The following UBN1 variants were observed in gnomAD, a reference collection of about 807,000 sequenced individuals.
UBN1 encodes the protein ubinuclein-1.
A neutral mutation model predicts 108.5 loss-of-function variants in UBN1; 17 were observed. The observed-to-expected ratio is 0.16, with a 90% confidence interval of 0.11 to 0.24. The LOEUF (loss-of-function observed/expected upper bound fraction) is 0.24, where lower values mean the gene tolerates loss of function less well. Ranked by LOEUF, UBN1 falls within the 10% of genes least tolerant of loss-of-function variation. The pLI is 1.00. For missense variants in UBN1, 1,595 were observed against 1,394.4 expected, an observed-to-expected ratio of 1.14 and a Z score of -2.29; for synonymous variants, 726 against 564.2, an observed-to-expected ratio of 1.29 and a Z score of -4.07.
At position 4,873,047 on chromosome 16, in the gene UBN1, A is replaced by G. The variant is rs2087720056; in HGVS notation, c.1774A>G (p.Met592Val). Reference sequence around the variant, plus strand: ...TTTGAACAGGGCCAAGAAGAAAGTTATGGCCCCTTCTAAAATCAAGGTGAA... The same window carrying G: ...TTTGAACAGGGCCAAGAAGAAAGTTGTGGCCCCTTCTAAAATCAAGGTGAA... ...LTSILAKKKV[M>V]APSKIKVKES... The change falls in exon 14 of 18, where the codon ATG becomes GTG. Residue 592 changes from methionine (M) to valine (V), a missense_variant. Met to Val is a conservative substitution (Grantham distance 21). Coordinates refer to ENST00000262376, the MANE Select transcript of UBN1 (RefSeq NM_001079514.3). 6.2e-7 allele frequency: 1 copy of G among 1,614,224 alleles called. No homozygotes were observed. Among genetic ancestry groups the G allele is most frequent in the Non-Finnish European group, 8.5e-7 (1 of 1,180,036 alleles).
At position 4,874,888 on chromosome 16, in the gene UBN1, G is replaced by T; in HGVS notation, c.2478G>T (p.Lys826Asn). ...NFTPPSPFAN[K>N]LQGPKASPTQ... ...CGCCCCCATCTCCATTTGCCAATAA[G>T]CTCCAAGGCCCAAAGGCTTCTCCCA... The change falls in exon 15 of 18, where the codon AAG (lysine) becomes AAT (asparagine). Residue 826 changes from lysine (K) to asparagine (N), a missense_variant. By Grantham distance (94) the Lys-to-Asn change is moderately conservative. Around this residue, in one of 3 missense-constraint regions of UBN1, gnomAD observed 1,398 missense variants for 1,194.7 expected, o/e 1.17. Coordinates refer to ENST00000262376, the MANE Select transcript of UBN1 (RefSeq NM_001079514.3). The T allele has an allele frequency of 6.2e-7, 1 of 1,614,078 alleles. No homozygotes were observed.
At chr16:4,851,231 G>C (rs753220062) in intron 1 of UBN1, among the ~76,000 whole-genome samples, 46 of 152,220 alleles carry the variant, frequency 3.0e-4, no homozygotes, top group African/African-American at 1.1e-3. Context: ...GCTGGGCTCA[G>C]TGGCTCACAC....
At chr16:4,871,776 TGG>T (rs929458613) in intron 12 of UBN1, among the ~76,000 whole-genome samples, 3 of 151,844 alleles carry the variant, frequency 2.0e-5, no homozygotes, top group Admixed American at 1.3e-4. Flanking sequence ...TTAGTAGAAA[TGG>T]GGTTTCACCG....
intron 7 of UBN1, among the ~76,000 whole-genome samples, chr16:4,866,114 T>C (rs1347863340): frequency 2.6e-5 from 4 of 152,362 alleles, no homozygotes; most frequent in East Asian, 1.9e-4. Flanking sequence ...AAACTAGCAG[T>C]GTAAGCTTAA....
chr16:4,857,200 T>A (rs1156322814), intron 2 of UBN1, among the ~76,000 whole-genome samples: 1 of 150,720 alleles, frequency 6.6e-6, no homozygotes, highest in Non-Finnish European at 1.5e-5. Context: ...AAAAAAAAAA[T>A]TTAGCTAGGC....
intron 1 of UBN1, chr16:4,852,231 A>C (rs1010049948): frequency 2.6e-5 from 4 of 152,216 alleles, no homozygotes; most frequent in African/African-American, 9.6e-5. Context: ...GAACATTTGG[A>C]ATTCTGTATT....
chr16:4,866,707 CTCA>C (rs2087349979), intron 7 of UBN1, among the ~76,000 whole-genome samples: 1 of 152,076 alleles, frequency 6.6e-6, no homozygotes, highest in Non-Finnish European at 1.5e-5. Flanking sequence ...GAGACAGGGT[CTCA>C]TCATGTGCCC....
chr16:4,876,073 C>G (rs1291973895), intron 15 of UBN1, among the ~76,000 whole-genome samples: 1 of 151,944 alleles, frequency 6.6e-6, no homozygotes, highest in African/African-American at 2.4e-5. Flanking sequence ...ATTCTCCTGC[C>G]TCAGCTTCTT....
chr16:4,864,407 G>A (rs1011915465), intron 7 of UBN1, among the ~76,000 whole-genome samples: 2 of 152,184 alleles, frequency 1.3e-5, no homozygotes, highest in African/African-American at 4.8e-5. Context: ...GAAAACTTGT[G>A]TATGTTAAAG....
chr16:4,862,077 G>A (rs1193104125), intron 7 of UBN1, among the ~76,000 whole-genome samples: 1 of 152,208 alleles, frequency 6.6e-6, no homozygotes, highest in Non-Finnish European at 1.5e-5. Flanking sequence ...ATGGATCATT[G>A]GTTGTAATAT....
At position 4,856,696 on chromosome 16, in the gene UBN1, G is replaced by T. The variant is rs1025303911; in HGVS notation, c.250-1294G>T. ...ATTGGAAGACTGCTGTTGGCAAGGCGTTCAGTAGTATACATAGAATCCAGT... is the reference window on the plus strand; with the variant it reads ...ATTGGAAGACTGCTGTTGGCAAGGCTTTCAGTAGTATACATAGAATCCAGT... On this transcript the variant is annotated intron_variant, in intron 2 of 17. Transcript: ENST00000262376. 5.3e-5 allele frequency among the ~76,000 whole-genome samples: 8 copies of T among 152,206 alleles called. 1 individual carries two copies.
chr16:4,855,323 G>A (rs893379166), intron 2 of UBN1, among the ~76,000 whole-genome samples: 2 of 152,076 alleles, frequency 1.3e-5, no homozygotes, highest in African/African-American at 2.4e-5. Flanking sequence ...TTAAAAAAAT[G>A]TGTTTTCTTG....
At chr16:4,858,466 T>C (rs2086908326) in intron 3 of UBN1, 102 bp from the exon 4 acceptor site, 1 of 995,506 alleles carries the variant, frequency 1.0e-6, no homozygotes, top group Non-Finnish European at 1.5e-6. Flanking sequence ...CTGTTTTAGT[T>C]AGTGCATTAC....
intron 1 of UBN1, among the ~76,000 whole-genome samples, chr16:4,848,890 C>G (rs1390064332): frequency 6.6e-6 from 1 of 152,188 alleles, no homozygotes; most frequent in Non-Finnish European, 1.5e-5. Flanking sequence ...CACCTGAGAT[C>G]AGGAGTTCGA....
chr16:4,869,791 A>G (rs886521909), intron 8 of UBN1, among the ~76,000 whole-genome samples: 17 of 152,286 alleles, frequency 1.1e-4, no homozygotes, highest in Admixed American at 5.2e-4. Context: ...TGGAGGGGTG[A>G]GGCTTTCCCT....
rs775750620 is a variant in UBN1, at chr16:4,875,324, G to A, written c.2914G>A (p.Gly972Ser). The change falls in exon 15 of 18, where the codon GGT becomes AGT. Residue 972 changes from glycine to serine, a missense_variant. By Grantham distance (56) the Gly-to-Ser change is moderately conservative. Coordinates refer to ENST00000262376, the MANE Select transcript of UBN1 (RefSeq NM_001079514.3). Reference protein sequence around the residue: ...QKLTLVAPPGGPNGDSSGGTQ... With the variant: ...QKLTLVAPPGSPNGDSSGGTQ... Reference sequence around the variant, plus strand: ...GTTGACTCTGGTAGCCCCTCCAGGCGGTCCAAACGGAGATTCCAGTGGTGG... The same window carrying A: ...GTTGACTCTGGTAGCCCCTCCAGGCAGTCCAAACGGAGATTCCAGTGGTGG... 3.1e-6 allele frequency: 5 copies of A among 1,614,080 alleles called. No homozygotes were observed. Among genetic ancestry groups the A allele is most frequent in the Non-Finnish European group, 4.2e-6 (5 of 1,180,052 alleles).
At position 4,874,922 on chromosome 16, in the gene UBN1, C is replaced by T. The variant is rs1309070839; in HGVS notation, c.2512C>T (p.His838Tyr). The T allele has an allele frequency of 6.2e-7, 1 of 1,614,196 alleles. No individual in the cohort carries two copies. ...QGPKASPTQC[H>Y]RSLLQLVKTA... ...CCCAAAGGCTTCTCCCACACAGTGTCATCGTTCCCTCCTGCAGTTAGTGAA... is the reference window on the plus strand; with the variant it reads ...CCCAAAGGCTTCTCCCACACAGTGTTATCGTTCCCTCCTGCAGTTAGTGAA... The change falls in exon 15 of 18, where the codon CAT (histidine) becomes TAT (tyrosine). Residue 838 changes from histidine to tyrosine, a missense_variant. His to Tyr is a moderately conservative substitution (Grantham distance 83, BLOSUM62 2). Around this residue, in one of 3 missense-constraint regions of UBN1, gnomAD observed 1,398 missense variants for 1,194.7 expected, o/e 1.17. Transcript: ENST00000262376.
chr16:4,872,315 A>G (rs1444337780), intron 12 of UBN1: 2 of 985,342 alleles, frequency 2.0e-6, no homozygotes, highest in African/African-American at 1.7e-5. Flanking sequence ...TTAGGGAAGC[A>G]TCACCATGAG....
intron 8 of UBN1, 150 bp from the exon 9 acceptor site, chr16:4,870,062 G>T (rs901938435): frequency 2.8e-5 from 33 of 1,162,294 alleles, no homozygotes; most frequent in Non-Finnish European, 3.6e-5. Context: ...CTGAGGATGT[G>T]TTTCCTTGGG....
Sources: allele counts gnomAD v4.1 joint callset (sites outside exome capture counted in the v4.1 genomes callset), GRCh38; gene constraint gnomAD v4.1.1; regional missense constraint gnomAD v4.1.1; transcripts MANE v1.5; gene names NCBI Gene and HGNC (gene_info 2026-07-23, HGNC 2026-07-21).